The following ANKRD39 variants were observed in gnomAD, a reference collection of about 807,000 sequenced individuals.
ANKRD39 encodes ankyrin repeat domain-containing protein 39.
Under a neutral mutation model 20.3 loss-of-function variants are expected in ANKRD39, and 18 were observed. That is an observed-to-expected ratio of 0.89 (90% confidence interval 0.61 to 1.32). The LOEUF is 1.32. Ranked by LOEUF, ANKRD39 falls within the 40% of genes most tolerant of loss-of-function variation. The pLI, the probability that ANKRD39 is intolerant of heterozygous loss-of-function variation, is 0.00. For synonymous variants in ANKRD39, 106 were observed against 111.9 expected, an observed-to-expected ratio of 0.95 and a Z score of 0.33; for missense variants, 243 against 250.7, an observed-to-expected ratio of 0.97 and a Z score of 0.21.
At chr2:96,857,796 C>T in intron 1 of ANKRD39, 92 bp downstream of exon 1, 6 of 1,344,660 alleles carry the variant, frequency 4.5e-6, no homozygotes, top group South Asian at 1.3e-5. Flanking sequence ...CCCAAGCTCT[C>T]GGGGCCCCGT....
intron 3 of ANKRD39, 30 bp downstream of exon 3, chr2:96,853,371 C>A: frequency 6.5e-7 from 1 of 1,549,242 alleles, no homozygotes. Flanking sequence ...AATAAGGAAA[C>A]GACATTTTTG....
chr2:96,854,170 TA>T (rs746093244), intron 2 of ANKRD39, among the ~76,000 whole-genome samples, 167 bp downstream of exon 2: 8 of 152,168 alleles, frequency 5.3e-5, no homozygotes, highest in Non-Finnish European at 1.2e-4. Flanking sequence ...GGTCTCACAC[TA>T]ATTTAAAAAA....
rs374859135 is a variant in ANKRD39 at position 96,848,374 on chromosome 2, C to T, written c.479G>A (p.Arg160Gln). ...LQHSPALKAI[R>Q]DRKARLACDL... ...ACATGCTAGCCGTGCCTTTCGGTCCCGGATGGCCTTCAGGGCTGGGCTGTG... is the reference window on the plus strand; with the variant it reads ...ACATGCTAGCCGTGCCTTTCGGTCCTGGATGGCCTTCAGGGCTGGGCTGTG... Residue 160 changes from arginine (R) to glutamine (Q), a missense_variant, in exon 4 of 4, where the codon CGG becomes CAG. Arg to Gln is a conservative substitution (Grantham distance 43). Coordinates refer to ENST00000393537, the MANE Select transcript of ANKRD39 (RefSeq NM_016466.6). 2.8e-5 allele frequency: 45 copies of T among 1,614,062 alleles called. No homozygotes were observed. Among genetic ancestry groups the T allele is most frequent in the South Asian group, 1.9e-4 (17 of 91,090 alleles).
At position 96,857,968 on chromosome 2, in the gene ANKRD39, C is replaced by A. The variant is rs745339590; in HGVS notation, c.20G>T (p.Cys7Phe). 17 of 1,554,580 alleles carry A rather than the reference C, an allele frequency of 1.1e-5. No individual in the cohort carries two copies. The South Asian group carries it at 1.7e-4, about 15-fold the overall frequency. ...ATGCGAGCAGCAGGGCCCGTCCGCGCAGGGCCGAGGCGTCGCCATCCCGGC... is the reference window on the plus strand; with the variant it reads ...ATGCGAGCAGCAGGGCCCGTCCGCGAAGGGCCGAGGCGTCGCCATCCCGGC... Reference protein sequence around the residue: MATPRPCADGPCCSHPS... With the variant: MATPRPFADGPCCSHPS... Residue 7 changes from cysteine (C) to phenylalanine (F), a missense_variant, in exon 1 of 4, where the codon TGC (cysteine) becomes TTC (phenylalanine). Physicochemically the swap from Cys to Phe is radical, Grantham distance 205. Coordinates refer to ENST00000393537, the MANE Select transcript of ANKRD39 (RefSeq NM_016466.6).
chr2:96,853,955 C>T (rs1439419557), intron 2 of ANKRD39, among the ~76,000 whole-genome samples: 1 of 152,130 alleles, frequency 6.6e-6, no homozygotes, highest in African/African-American at 2.4e-5. Context: ...GGTGAAAACC[C>T]ATCTCTACTA....
chr2:96,855,436 A>G (rs1230866274), intron 1 of ANKRD39, among the ~76,000 whole-genome samples: 1 of 152,182 alleles, frequency 6.6e-6, no homozygotes, highest in Non-Finnish European at 1.5e-5. Flanking sequence ...ATAAATAGAA[A>G]AATATTGGCC....
intron 3 of ANKRD39, among the ~76,000 whole-genome samples, chr2:96,851,391 C>T (rs146473991): frequency 7.2e-5 from 11 of 151,902 alleles, no homozygotes; most frequent in Admixed American, 2.0e-4. Flanking sequence ...CCCGACCTCA[C>T]GTGATCTGCC....
At chr2:96,855,695 C>T (rs974048993) in intron 1 of ANKRD39, among the ~76,000 whole-genome samples, 4 of 147,460 alleles carry the variant, frequency 2.7e-5, no homozygotes, top group African/African-American at 7.6e-5. Context: ...TGCACTCCAG[C>T]CTGGGCGACA....
In ANKRD39 at chr2:96,850,048, A is replaced by G. The variant is rs149701658; in HGVS notation, c.409-1604T>C. ...ATGCCTTGCCCAAAGTCACAGGGCT[A>G]ACGTGTCCACCTGGGATTCTAAACC... On this transcript the variant is annotated intron_variant, in intron 3 of 3. Coordinates refer to ENST00000393537, the MANE Select transcript of ANKRD39 (RefSeq NM_016466.6). Among the ~76,000 whole-genome samples the G allele has an allele frequency of 5.9e-5, 9 of 152,374 alleles. No individual in the cohort carries two copies. The East Asian group carries it at 1.7e-3, about 29-fold the overall frequency.
At chr2:96,850,903 G>C (rs1019444896) in intron 3 of ANKRD39, among the ~76,000 whole-genome samples, 2 of 152,154 alleles carry the variant, frequency 1.3e-5, no homozygotes, top group African/African-American at 4.8e-5. Flanking sequence ...TATCCAATTG[G>C]CAATGATTTC....
chr2:96,849,402 C>G (rs2079825720), intron 3 of ANKRD39, among the ~76,000 whole-genome samples: 1 of 152,158 alleles, frequency 6.6e-6, no homozygotes, highest in African/African-American at 2.4e-5. Flanking sequence ...GTAATCCCAG[C>G]ACTTTGGGAG....
chr2:96,848,831 G>A (rs911353392), intron 3 of ANKRD39, among the ~76,000 whole-genome samples: 2 of 151,826 alleles, frequency 1.3e-5, no homozygotes, highest in Non-Finnish European at 2.9e-5. Flanking sequence ...AAAAAAAAAA[G>A]AGGCCTCATG....
chr2:96,857,826 C>T (rs2079873247), intron 1 of ANKRD39, 62 bp downstream of exon 1: 2 of 1,500,390 alleles, frequency 1.3e-6, no homozygotes, highest in Admixed American at 2.0e-5. Context: ...TCTCCTTGGC[C>T]CCACGCCTCC....
At chr2:96,856,173 G>GT (rs1177341450) in intron 1 of ANKRD39, among the ~76,000 whole-genome samples, 2 of 152,100 alleles carry the variant, frequency 1.3e-5, no homozygotes, top group African/African-American at 2.4e-5. Context: ...GGTAAAAATT[G>GT]TTTTTTATGA....
intron 3 of ANKRD39, among the ~76,000 whole-genome samples, chr2:96,850,436 A>AG (rs776957367): frequency 1.4e-4 from 21 of 152,222 alleles, no homozygotes; most frequent in South Asian, 4.2e-4. Flanking sequence ...AGGCCGAGGG[A>AG]GGGGGGATCA....
intron 1 of ANKRD39, 112 bp downstream of exon 1, chr2:96,857,769 GGCCCCAA>G (rs556581970): frequency 6.9e-5 from 74 of 1,073,446 alleles, no homozygotes; most frequent in Admixed American, 1.6e-4. Context: ...TCCCGCACCA[GGCCCCAA>G]GCCCCAAGCC....
chr2:96,856,354 A>C (rs1244361839), intron 1 of ANKRD39, among the ~76,000 whole-genome samples: 1 of 151,764 alleles, frequency 6.6e-6, no homozygotes, highest in Admixed American at 6.6e-5. Flanking sequence ...CACGCCTGTA[A>C]TCTCAGCTAC....
chr2:96,855,036 A>G (rs1225593327), intron 1 of ANKRD39, among the ~76,000 whole-genome samples: 1 of 152,242 alleles, frequency 6.6e-6, no homozygotes, highest in Non-Finnish European at 1.5e-5. Context: ...AAGTTGCAAA[A>G]CAAGAAGCAA....
rs541895464 is a variant in ANKRD39 at position 96,853,048 on chromosome 2, T to G, written c.408+353A>C. On this transcript the variant is annotated intron_variant, in intron 3 of 3. Coordinates refer to ENST00000393537, the MANE Select transcript of ANKRD39 (RefSeq NM_016466.6). ...CAGATTGTTTACCATGTGCAGGTAT[T>G]TCCAGCTAGAAAGAGTTTAATTAAA... 2.0e-4 allele frequency among the ~76,000 whole-genome samples: 31 copies of G among 152,324 alleles called. No individual in the cohort carries two copies. The South Asian group carries it at 6.4e-3, about 32-fold the overall frequency.
Sources: allele counts gnomAD v4.1 joint callset (sites outside exome capture counted in the v4.1 genomes callset), GRCh38; gene constraint gnomAD v4.1.1; transcripts MANE v1.5; gene names NCBI Gene and HGNC (gene_info 2026-07-23, HGNC 2026-07-21).